SHISA9: variants seen among roughly 807,000 people sequenced by gnomAD.
The protein encoded by SHISA9 is protein shisa-9.
SHISA9 carries 13 observed loss-of-function variants against 38.0 expected under a neutral mutation model. The ratio of observed to expected loss-of-function variants is 0.34; its 90% CI spans 0.22 to 0.54. SHISA9 has a LOEUF of 0.54. Ranked by LOEUF, SHISA9 falls within the 20% of genes least tolerant of loss-of-function variation. SHISA9 has a pLI of 0.91. For synonymous variants in SHISA9, 275 were observed against 242.0 expected (o/e 1.14, Z -1.27); for missense variants, 538 against 575.8 (o/e 0.93, Z 0.67).
intron 2 of SHISA9, among the ~76,000 whole-genome samples, chr16:13,022,621 C>G (rs756242087): frequency 6.6e-6 from 1 of 151,974 alleles, no homozygotes; most frequent in African/African-American, 2.4e-5. Flanking sequence ...TGTAAGCCAC[C>G]GCGCCCAGCC....
At chr16:13,170,904 G>A (rs1055221194) in intron 2 of SHISA9, among the ~76,000 whole-genome samples, 2 of 152,208 alleles carry the variant, frequency 1.3e-5, no homozygotes, top group Non-Finnish European at 1.5e-5. Flanking sequence ...TCATCCACCC[G>A]CCTTGGCCTC....
chr16:13,220,416 T>G (rs867157979), intron 4 of SHISA9, among the ~76,000 whole-genome samples: 1 of 152,160 alleles, frequency 6.6e-6, no homozygotes, highest in African/African-American at 2.4e-5. Flanking sequence ...TAACATCTCT[T>G]AGTCACACGG....
At chr16:13,367,658 G>GGC in the SHISA9 span, among the ~76,000 whole-genome samples, 1 of 149,524 alleles carries the variant, frequency 6.7e-6, no homozygotes, top group Non-Finnish European at 1.5e-5. Flanking sequence ...GGATGCGGGG[G>GGC]GGAATGAAGA....
At chr16:13,192,866 C>T (rs934388343) in intron 2 of SHISA9, among the ~76,000 whole-genome samples, 2 of 148,978 alleles carry the variant, frequency 1.3e-5, no homozygotes, top group African/African-American at 2.5e-5. Context: ...CAGAGCAAGA[C>T]TCCATCTCAA....
intron 2 of SHISA9, among the ~76,000 whole-genome samples, chr16:13,011,082 C>G (rs1302486607): frequency 6.6e-6 from 1 of 152,120 alleles, no homozygotes. Context: ...AGCAGTGAAC[C>G]AGAGAGACTA....
chr16:13,429,885 C>A, the SHISA9 span, among the ~76,000 whole-genome samples: 2 of 152,118 alleles, frequency 1.3e-5, no homozygotes, highest in Non-Finnish European at 2.9e-5. Context: ...TGTGTCTCCC[C>A]CAAATGTATA....
intron 2 of SHISA9, among the ~76,000 whole-genome samples, chr16:13,057,982 C>T (rs778141875): frequency 6.6e-6 from 1 of 152,128 alleles, no homozygotes; most frequent in Non-Finnish European, 1.5e-5. Flanking sequence ...GACATGATCT[C>T]GTTCCTTTTT....
intron 2 of SHISA9, among the ~76,000 whole-genome samples, chr16:12,936,141 T>A (rs7184661): frequency 1.3e-5 from 2 of 151,968 alleles, no homozygotes; most frequent in African/African-American, 4.8e-5. Flanking sequence ...AGGTGCTTCG[T>A]TGGGTTCTTG....
intron 4 of SHISA9, among the ~76,000 whole-genome samples, chr16:13,234,475 C>T (rs1292479842): frequency 6.6e-6 from 1 of 152,170 alleles, no homozygotes; most frequent in Non-Finnish European, 1.5e-5. Context: ...GCAGGTGTCA[C>T]AGTTGAAATG....
rs115993021 is a variant in SHISA9 at position 13,214,261 on chromosome 16, C to T, written c.895+961C>T. On this transcript the variant is annotated intron_variant, in intron 4 of 4. Transcript: ENST00000558583. ...TCACTCAGGCTAAAGTGCCGTAGTG[C>T]GATCTTGGCTCACTGCAACCTCCTC... Among the ~76,000 whole-genome samples, 1,140 of 152,238 alleles carry T rather than the reference C, an allele frequency of 7.5e-3. 13 individuals are homozygous for T. The highest frequency in any genetic ancestry group is 0.026 in the African/African-American group (1,072 of 41,544).
chr16:13,359,566 G>C, the SHISA9 span, among the ~76,000 whole-genome samples: 1 of 152,172 alleles, frequency 6.6e-6, no homozygotes, highest in African/African-American at 2.4e-5. Context: ...AGGTGGGAAA[G>C]TTGTGTAAGT....
the SHISA9 span, among the ~76,000 whole-genome samples, chr16:13,497,191 T>C: frequency 6.6e-6 from 1 of 152,284 alleles, no homozygotes; most frequent in East Asian, 1.9e-4. Context: ...ATTTATGGGG[T>C]ACAGTGTGAT....
At chr16:13,267,621 G>A in the SHISA9 span, among the ~76,000 whole-genome samples, 1 of 152,162 alleles carries the variant, frequency 6.6e-6, no homozygotes, top group Admixed American at 6.5e-5. Context: ...TTGAAAAGGA[G>A]GATGTAATCT....
At chr16:13,272,942 T>C in the SHISA9 span, among the ~76,000 whole-genome samples, 1 of 152,212 alleles carries the variant, frequency 6.6e-6, no homozygotes, top group Admixed American at 6.6e-5. Context: ...CTCTCTGTTT[T>C]TATTTGTGAT....
At chr16:13,510,993 A>G in the SHISA9 span, among the ~76,000 whole-genome samples, 7 of 152,206 alleles carry the variant, frequency 4.6e-5, no homozygotes, top group Non-Finnish European at 1.0e-4. Context: ...CCATTTCTCC[A>G]GGCACAGGTA....
the SHISA9 span, among the ~76,000 whole-genome samples, chr16:13,276,275 T>TATATATATATAGCA: frequency 5.6e-4 from 85 of 151,802 alleles, no homozygotes; most frequent in African/African-American, 2.0e-3. Context: ...TAGTATTCCA[T>TATATATATATAGCA]CATATATATA....
intron 2 of SHISA9, among the ~76,000 whole-genome samples, chr16:13,100,942 C>T (rs1455300696): frequency 6.6e-6 from 1 of 152,140 alleles, no homozygotes; most frequent in Non-Finnish European, 1.5e-5. Flanking sequence ...GTGATCTGCC[C>T]ACCTCGGTCT....
chr16:13,058,404 G>A (rs2073334714), intron 2 of SHISA9, among the ~76,000 whole-genome samples: 1 of 152,122 alleles, frequency 6.6e-6, no homozygotes, highest in South Asian at 2.1e-4. Flanking sequence ...ATAACAAGGG[G>A]GACTCATGTT....
the SHISA9 span, among the ~76,000 whole-genome samples, chr16:13,498,433 C>T: frequency 6.6e-6 from 1 of 152,120 alleles, no homozygotes; most frequent in African/African-American, 2.4e-5. Flanking sequence ...GTTTCCTTTA[C>T]ACAATAATTC....
Sources: gnomAD v4.1 joint callset for allele counts (sites outside exome capture counted in the v4.1 genomes callset) on GRCh38, gnomAD v4.1.1 for gene constraint, MANE v1.5 for transcripts, NCBI Gene and HGNC (gene_info 2026-07-23, HGNC 2026-07-21) for gene names.